The following STT3B variants were observed in gnomAD, a reference collection of about 807,000 sequenced individuals.
STT3B encodes dolichyl-diphosphooligosaccharide--protein glycosyltransferase subunit STT3B.
A neutral mutation model predicts 96.8 loss-of-function variants in STT3B; 29 were observed. That is an observed-to-expected ratio of 0.30 (90% CI 0.22 to 0.41). The LOEUF is 0.41. Ranked by LOEUF, STT3B falls within the 10% of genes least tolerant of loss-of-function variation. The pLI is 1.00. For missense variants in STT3B, 640 were observed against 1,022.3 expected (o/e 0.63, Z 5.10); for synonymous variants, 367 against 360.0 (o/e 1.02, Z -0.22).
intron 13 of STT3B, among the ~76,000 whole-genome samples, chr3:31,628,877 G>A (rs1699592548): frequency 6.6e-6 from 1 of 152,090 alleles, no homozygotes; most frequent in Non-Finnish European, 1.5e-5. Context: ...CATTTTGGGA[G>A]GCCAATCACT....
intron 1 of STT3B, among the ~76,000 whole-genome samples, chr3:31,545,154 G>A (rs532969904): frequency 2.0e-5 from 3 of 152,250 alleles, no homozygotes; most frequent in Non-Finnish European, 2.9e-5. Flanking sequence ...AAACTGTAAA[G>A]GCCAGTCATA....
At chr3:31,596,394 A>G (rs1049924086) in intron 3 of STT3B, among the ~76,000 whole-genome samples, 4 of 152,020 alleles carry the variant, frequency 2.6e-5, no homozygotes, top group Admixed American at 6.6e-5. Flanking sequence ...AGCCCATTGA[A>G]CTGGTTTGGC....
At chr3:31,541,529 G>A (rs1387843633) in intron 1 of STT3B, among the ~76,000 whole-genome samples, 2 of 149,834 alleles carry the variant, frequency 1.3e-5, no homozygotes, top group Non-Finnish European at 3.0e-5. Context: ...TTGGTCAAAG[G>A]ATTGTTGACA....
Position 31,596,708 on chromosome 3 carries a change from T to TAGCC in STT3B, c.712-89_712-86dup, listed in dbSNP as rs1359106473. ...TTTTTAGAATAACCTTGACTTTTTGTAGCCTGTGGTTACCAAACATTTAAC... is the reference window on the plus strand; with the variant it reads ...TTTTTAGAATAACCTTGACTTTTTGTAGCCAGCCTGTGGTTACCAAACATTTAAC... On this transcript the variant is annotated intron_variant, in intron 3 of 15. Transcript: ENST00000295770. 20 of 945,454 alleles carry TAGCC rather than the reference T, an allele frequency of 2.1e-5. No homozygotes were observed. In the African/African-American group the frequency reaches 2.6e-4, roughly 12 times the overall value. The allele number at this position is 945,454 out of a possible 1,614,324, so 58.6% of individuals were successfully genotyped here. A position where few individuals can be genotyped will look rare whatever the true frequency, so the allele number is the denominator to read the frequency against.
chr3:31,595,260 G>A (rs1698760554), intron 3 of STT3B, among the ~76,000 whole-genome samples: 1 of 152,192 alleles, frequency 6.6e-6, no homozygotes, highest in African/African-American at 2.4e-5. Flanking sequence ...TTCAGAGACA[G>A]AGATTCTGTA....
At chr3:31,621,418 A>C (rs751408433) in intron 9 of STT3B, among the ~76,000 whole-genome samples, 4 of 152,148 alleles carry the variant, frequency 2.6e-5, no homozygotes, top group Non-Finnish European at 5.9e-5. Flanking sequence ...CACACTTAAG[A>C]ATATGATGCG....
At chr3:31,560,775 GTC>G (rs1697858999) in intron 1 of STT3B, among the ~76,000 whole-genome samples, 1 of 152,050 alleles carries the variant, frequency 6.6e-6, no homozygotes, top group Non-Finnish European at 1.5e-5. Flanking sequence ...TGAGCCTTGT[GTC>G]TCTGGATGTC....
At chr3:31,575,442 C>G (rs574278680) in intron 1 of STT3B, among the ~76,000 whole-genome samples, 1 of 151,340 alleles carries the variant, frequency 6.6e-6, no homozygotes, top group Non-Finnish European at 1.5e-5. Context: ...ATGGTGATTG[C>G]TTTTGTCAAA....
chr3:31,623,970 CTTG>C, intron 11 of STT3B, 109 bp downstream of exon 11: 1 of 965,840 alleles, frequency 1.0e-6, no homozygotes, highest in Non-Finnish European at 1.5e-6. Flanking sequence ...TCTGCATTTG[CTTG>C]TTTTTAATTT....
chr3:31,539,388 TGAG>T (rs1003619653), intron 1 of STT3B, among the ~76,000 whole-genome samples: 1 of 152,200 alleles, frequency 6.6e-6, no homozygotes, highest in African/African-American at 2.4e-5. Flanking sequence ...ATCTTAGAAT[TGAG>T]GAGATGAGGT....
intron 13 of STT3B, among the ~76,000 whole-genome samples, chr3:31,628,137 A>G (rs538216893): frequency 6.3e-4 from 91 of 144,622 alleles, no homozygotes; most frequent in Non-Finnish European, 9.9e-4. Context: ...TGTTAATTAG[A>G]TCGATGTAGC....
chr3:31,573,987 A>T (rs1189322913), intron 1 of STT3B, among the ~76,000 whole-genome samples: 1 of 152,182 alleles, frequency 6.6e-6, no homozygotes, highest in Non-Finnish European at 1.5e-5. Flanking sequence ...GGGAGAGGCC[A>T]AGAATTATAT....
chr3:31,595,963 T>C (rs561951508), intron 3 of STT3B, among the ~76,000 whole-genome samples: 9 of 152,346 alleles, frequency 5.9e-5, no homozygotes, highest in African/African-American at 2.2e-4. Flanking sequence ...ACTCAGTGTT[T>C]ATACTCACCG....
intron 3 of STT3B, among the ~76,000 whole-genome samples, chr3:31,586,747 A>G (rs1698547445): frequency 6.6e-6 from 1 of 152,134 alleles, no homozygotes; most frequent in Non-Finnish European, 1.5e-5. Flanking sequence ...TCTATATAAC[A>G]ATACCTTATG....
intron 5 of STT3B, among the ~76,000 whole-genome samples, chr3:31,601,831 C>A (rs1559381979): frequency 6.6e-6 from 1 of 152,138 alleles, no homozygotes; most frequent in African/African-American, 2.4e-5. Context: ...TTTCAGCATA[C>A]TTTTTCATTT....
At chr3:31,537,809 A>G (rs1054397622) in intron 1 of STT3B, among the ~76,000 whole-genome samples, 21 of 152,160 alleles carry the variant, frequency 1.4e-4, no homozygotes. Flanking sequence ...TACCTAATCA[A>G]TTTTTATACT....
intron 1 of STT3B, among the ~76,000 whole-genome samples, chr3:31,551,121 C>G (rs1697545725): frequency 6.6e-6 from 1 of 152,000 alleles, no homozygotes; most frequent in African/African-American, 2.4e-5. Context: ...TGTCTTTTGC[C>G]TTTTACTTTT....
At chr3:31,568,660 A>AT (rs1167092112) in intron 1 of STT3B, among the ~76,000 whole-genome samples, 2 of 151,992 alleles carry the variant, frequency 1.3e-5, no homozygotes, top group African/African-American at 2.4e-5. Context: ...TAGAGATATA[A>AT]TTTTTTTTAA....
chr3:31,609,054 G>A (rs867914942), intron 5 of STT3B, among the ~76,000 whole-genome samples: 3 of 152,122 alleles, frequency 2.0e-5, no homozygotes, highest in Admixed American at 6.5e-5. Context: ...GGCGGAGGTC[G>A]CAGTGAGCCG....
Sources: gnomAD v4.1 joint callset for allele counts (sites outside exome capture counted in the v4.1 genomes callset) on GRCh38, gnomAD v4.1.1 for gene constraint, MANE v1.5 for transcripts, NCBI Gene and HGNC (gene_info 2026-07-23, HGNC 2026-07-21) for gene names.